Variants in ULK4 observed in about 807,000 individuals in gnomAD.
ULK4 encodes the protein unc-51 like kinase 4.
ULK4 carries 133 observed loss-of-function variants against 160.6 expected under a neutral mutation model. The ratio of observed to expected loss-of-function variants is 0.83; its 90% CI spans 0.72 to 0.96. ULK4 has a LOEUF of 0.96. ULK4 is among the 40% of genes least tolerant of loss of function. The pLI is 0.00. For missense variants in ULK4, 1,580 were observed against 1,499.5 expected (o/e 1.05, Z -0.89); for synonymous variants, 534 against 539.8 (o/e 0.99, Z 0.15).
chr3:41,638,358 A>T (rs1250276005), intron 30 of ULK4, among the ~76,000 whole-genome samples: 3 of 152,120 alleles, frequency 2.0e-5, no homozygotes, highest in Non-Finnish European at 4.4e-5. Context: ...GTCCCTAAAA[A>T]CTGACCATTT....
At chr3:41,737,561 A>T (rs2038098675) in intron 22 of ULK4, among the ~76,000 whole-genome samples, 1 of 151,958 alleles carries the variant, frequency 6.6e-6, no homozygotes, top group African/African-American at 2.4e-5. Flanking sequence ...TGCCAAGTCA[A>T]TCCTAAGCCA....
rs557783396 is a variant in ULK4 at position 41,321,799 on chromosome 3, T to C, written c.3679-72225A>G. 1.4e-5 allele frequency among the ~76,000 whole-genome samples: 2 copies of C among 144,230 alleles called. 1 individual carries two copies. Among genetic ancestry groups the C allele is most frequent in the East Asian group, 4.0e-4 (2 of 5,026 alleles). The allele number at this position is 144,230 out of a possible 152,430, so 94.6% of individuals were successfully genotyped here. On this transcript the variant is annotated intron_variant, in intron 35 of 36. Coordinates refer to ENST00000301831, the MANE Select transcript of ULK4 (RefSeq NM_017886.4). ...CGCCTCAAGTGAGCATGCGTACCAC[T>C]TTAGTAAACACTCTGTGCCTGCGGC...
At chr3:41,880,726 C>A (rs527907285) in intron 17 of ULK4, among the ~76,000 whole-genome samples, 2 of 152,190 alleles carry the variant, frequency 1.3e-5, no homozygotes, top group South Asian at 2.1e-4. Flanking sequence ...GAGTTCAAGA[C>A]CAGCCTGACC....
At chr3:41,740,461 T>TTTA (rs1300495281) in intron 22 of ULK4, among the ~76,000 whole-genome samples, 1 of 151,784 alleles carries the variant, frequency 6.6e-6, no homozygotes, top group Non-Finnish European at 1.5e-5. Context: ...TAGGCCTTAT[T>TTTA]TTATCGCCTG....
intron 17 of ULK4, among the ~76,000 whole-genome samples, chr3:41,866,291 T>A (rs1159793148): frequency 6.6e-6 from 1 of 152,214 alleles, no homozygotes; most frequent in Non-Finnish European, 1.5e-5. Context: ...TAAGTAGACC[T>A]GATGTTGACT....
intron 21 of ULK4, among the ~76,000 whole-genome samples, chr3:41,761,595 T>C (rs116748464): frequency 5.9e-5 from 9 of 151,866 alleles, no homozygotes; most frequent in Non-Finnish European, 7.4e-5. Context: ...AGTGAGGATA[T>C]AGAAGACCTA....
At chr3:41,825,650 G>A (rs569829144) in intron 18 of ULK4, among the ~76,000 whole-genome samples, 3 of 152,144 alleles carry the variant, frequency 2.0e-5, no homozygotes, top group Non-Finnish European at 2.9e-5. Flanking sequence ...CAAGAAATAC[G>A]GGACTATGTG....
intron 32 of ULK4, among the ~76,000 whole-genome samples, chr3:41,496,416 A>G (rs1180706883): frequency 2.0e-5 from 3 of 152,140 alleles, no homozygotes; most frequent in African/African-American, 4.8e-5. Context: ...GGAAAAACAC[A>G]TACAATGAAT....
intron 12 of ULK4, among the ~76,000 whole-genome samples, chr3:41,901,099 G>GA (rs997845508): frequency 1.2e-4 from 18 of 148,782 alleles, no homozygotes; most frequent in African/African-American, 4.5e-4. Flanking sequence ...GCTAGGACTA[G>GA]AAAAAATATC....
intron 35 of ULK4, among the ~76,000 whole-genome samples, chr3:41,288,699 T>C (rs1378290479): frequency 6.6e-6 from 1 of 152,208 alleles, no homozygotes; most frequent in Non-Finnish European, 1.5e-5. Flanking sequence ...TATTTGCTGA[T>C]AATATAACTA....
intron 12 of ULK4, among the ~76,000 whole-genome samples, chr3:41,901,053 A>T (rs1698333793): frequency 1.3e-5 from 2 of 152,204 alleles, no homozygotes; most frequent in South Asian, 4.1e-4. Flanking sequence ...AAACTCTGAG[A>T]AAGTAACTGA....
At chr3:41,756,385 T>C (rs1202185627) in intron 21 of ULK4, among the ~76,000 whole-genome samples, 5 of 152,220 alleles carry the variant, frequency 3.3e-5, no homozygotes, top group East Asian at 3.8e-4. Context: ...ATATTCTCAA[T>C]AGTTACACAA....
At chr3:41,391,814 A>G (rs947263963) in intron 35 of ULK4, among the ~76,000 whole-genome samples, 12 of 152,124 alleles carry the variant, frequency 7.9e-5, no homozygotes, top group African/African-American at 1.9e-4. Flanking sequence ...CATGGAATAG[A>G]TATTTGTAAC....
intron 32 of ULK4, among the ~76,000 whole-genome samples, chr3:41,528,025 T>C (rs921207404): frequency 6.6e-6 from 1 of 152,224 alleles, no homozygotes; most frequent in Non-Finnish European, 1.5e-5. Flanking sequence ...AGGACAATTA[T>C]CCACTACAGA....
chr3:41,299,451 C>T (rs1256590490), intron 35 of ULK4, among the ~76,000 whole-genome samples: 1 of 152,086 alleles, frequency 6.6e-6, no homozygotes, highest in African/African-American at 2.4e-5. Context: ...CACACTTTAC[C>T]CCAGGGCTAG....
At chr3:41,871,636 A>G (rs1426538162) in intron 17 of ULK4, among the ~76,000 whole-genome samples, 2 of 152,198 alleles carry the variant, frequency 1.3e-5, no homozygotes, top group Non-Finnish European at 2.9e-5. Context: ...TACTATTCAT[A>G]TAGCCTCTTT....
At chr3:41,374,512 T>A (rs1259774425) in intron 35 of ULK4, among the ~76,000 whole-genome samples, 2 of 152,028 alleles carry the variant, frequency 1.3e-5, no homozygotes, top group Non-Finnish European at 2.9e-5. Flanking sequence ...TAATCCATCA[T>A]AGAAAAAGAA....
intron 19 of ULK4, among the ~76,000 whole-genome samples, chr3:41,812,455 C>CA (rs34831277): frequency 4.0e-5 from 6 of 148,838 alleles, no homozygotes; most frequent in Non-Finnish European, 6.0e-5. Flanking sequence ...TATAACTGTT[C>CA]AAAAAAAAAG....
At chr3:41,501,327 C>G (rs1481248550) in intron 32 of ULK4, among the ~76,000 whole-genome samples, 1 of 152,124 alleles carries the variant, frequency 6.6e-6, no homozygotes, top group East Asian at 1.9e-4. Context: ...GAAACCCCGT[C>G]TCTACTAAAA....
Sources: allele counts gnomAD v4.1 joint callset (sites outside exome capture counted in the v4.1 genomes callset), GRCh38; gene constraint gnomAD v4.1.1; transcripts MANE v1.5; gene names NCBI Gene and HGNC (gene_info 2026-07-23, HGNC 2026-07-21).